Variants in ZFR observed in about 807,000 individuals in gnomAD.
ZFR encodes the protein zinc finger RNA-binding protein.
Under a neutral mutation model 130.7 loss-of-function variants are expected in ZFR, and 19 were observed. The observed-to-expected ratio is 0.15, with a 90% CI of 0.10 to 0.21. The LOEUF is 0.21. ZFR is among the 10% of genes least tolerant of loss of function. The pLI is 1.00. For synonymous variants in ZFR, 466 were observed against 456.9 expected, an observed-to-expected ratio of 1.02 and a Z score of -0.25; for missense variants, 872 against 1,321.5, an observed-to-expected ratio of 0.66 and a Z score of 5.27.
intron 17 of ZFR, among the ~76,000 whole-genome samples, chr5:32,368,157 A>G (rs950203835): frequency 1.3e-5 from 2 of 152,248 alleles, no homozygotes; most frequent in African/African-American, 4.8e-5. Context: ...ATGAGATTTC[A>G]GTAACACAGG....
chr5:32,398,832 C>T (rs529618475), intron 9 of ZFR, among the ~76,000 whole-genome samples: 6 of 151,884 alleles, frequency 4.0e-5, no homozygotes, highest in African/African-American at 1.4e-4. Context: ...TACAAGTGTG[C>T]GCAACTACTG....
At chr5:32,436,985 AGACT>A (rs1375508943) in intron 2 of ZFR, among the ~76,000 whole-genome samples, 1 of 152,234 alleles carries the variant, frequency 6.6e-6, no homozygotes, top group African/African-American at 2.4e-5. Flanking sequence ...AACTAACAAC[AGACT>A]GTTTGCCCAA....
At chr5:32,436,763 T>C (rs1754345645) in intron 2 of ZFR, among the ~76,000 whole-genome samples, 1 of 152,192 alleles carries the variant, frequency 6.6e-6, no homozygotes, top group Admixed American at 6.5e-5. Context: ...TGTGAGTCAC[T>C]GCCAGGTCCA....
At position 32,400,179 on chromosome 5, in the gene ZFR, C is replaced by G. The variant is rs745821134; in HGVS notation, c.1541G>C (p.Gly514Ala). 6.2e-7 allele frequency: 1 copy of G among 1,607,764 alleles called. No individual in the cohort carries two copies. The highest frequency in any genetic ancestry group is 8.5e-7 in the Non-Finnish European group (1 of 1,176,790). The change falls in exon 9 of 20, where the codon GGA becomes GCA. Residue 514 changes from glycine (G) to alanine (A), a missense_variant. Transcript: ENST00000265069. ...FVGGNKLQST[G>A]NKAEDIKGTE... is the part of the protein sequence containing the mutation. The stretch of plus-strand genomic sequence containing the variant: ...TCCTTTTATGTCTTCTGCTTTATTT[C>G]CTGTTGACTGCAGCTTATTACCACC...
intron 17 of ZFR, among the ~76,000 whole-genome samples, chr5:32,377,335 C>T (rs1298628318): frequency 4.7e-5 from 7 of 150,082 alleles, no homozygotes; most frequent in East Asian, 4.1e-4. Flanking sequence ...CAGGTTCAAG[C>T]GATTCTCCTG....
intron 10 of ZFR, 36 bp from the exon 11 acceptor site, chr5:32,395,340 C>A: frequency 2.1e-6 from 3 of 1,436,732 alleles, no homozygotes; most frequent in Non-Finnish European, 2.8e-6. Context: ...AAAACAGCAG[C>A]CCCAAAACAA....
chr5:32,395,453 A>T, intron 10 of ZFR, 149 bp from the exon 11 acceptor site: 5 of 558,026 alleles, frequency 9.0e-6, no homozygotes, highest in Non-Finnish European at 1.4e-5. Context: ...AATTAAGGTA[A>T]ATCAGAGAAA....
At chr5:32,413,472 T>G (rs1373586738) in intron 5 of ZFR, among the ~76,000 whole-genome samples, 1 of 151,996 alleles carries the variant, frequency 6.6e-6, no homozygotes, top group Non-Finnish European at 1.5e-5. Context: ...AGAAATCTAG[T>G]GGTTTAACTT....
chr5:32,438,772 T>C (rs945237439), intron 2 of ZFR, among the ~76,000 whole-genome samples: 1 of 152,172 alleles, frequency 6.6e-6, no homozygotes, highest in African/African-American at 2.4e-5. Context: ...AAGGAATCCT[T>C]CTAAAACCCT....
intron 19 of ZFR, among the ~76,000 whole-genome samples, chr5:32,359,430 A>C (rs1191949650): frequency 6.6e-6 from 1 of 152,168 alleles, no homozygotes; most frequent in Non-Finnish European, 1.5e-5. Flanking sequence ...CCTGCCCTAA[A>C]GCTTAAAGAT....
chr5:32,355,695 A>G lies in ZFR; in HGVS notation c.*65T>C. 2 of 1,397,046 alleles carry G rather than the reference A, an allele frequency of 1.4e-6. No individual in the cohort carries two copies. Among genetic ancestry groups the G allele is most frequent in the Non-Finnish European group, 1.9e-6 (2 of 1,038,282 alleles). The allele number at this position is 1,397,046 out of a possible 1,614,324, so 86.5% of individuals were successfully genotyped here. ...TAAATTTTTCAATGTAGACATTATTATGAATGAAAAACAGCCAACAAATGG... is the reference window on the plus strand; with the variant it reads ...TAAATTTTTCAATGTAGACATTATTGTGAATGAAAAACAGCCAACAAATGG... On this transcript the variant is annotated 3_prime_UTR_variant, in exon 20 of 20. Coordinates refer to ENST00000265069, the MANE Select transcript of ZFR (RefSeq NM_016107.5).
chr5:32,393,391 T>C (rs1753224678), intron 11 of ZFR, among the ~76,000 whole-genome samples: 1 of 152,056 alleles, frequency 6.6e-6, no homozygotes, highest in South Asian at 2.1e-4. Context: ...TTGCCCAGGC[T>C]GGAGTATAAT....
chr5:32,387,647 G>A lies in ZFR; in HGVS notation c.2401C>T (p.Arg801Ter). 1 of 1,613,238 alleles carries A rather than the reference G, an allele frequency of 6.2e-7. No individual in the cohort carries two copies. The highest frequency in any genetic ancestry group is 2.2e-5 in the East Asian group (1 of 44,830). ...ACAAGGTTGACATTTCTATCTCCTC[G>A]GAGAAGTAATCCTTTTGCCAATACT... ...VGVLAKGLLL[R>*]GDRNVNLVLL... Residue 801 changes from arginine (R) to a stop codon, truncating the protein, a stop_gained, in exon 14 of 20, where the codon CGA becomes TGA. Coordinates refer to ENST00000265069, the MANE Select transcript of ZFR (RefSeq NM_016107.5). LOFTEE classifies it high-confidence loss of function.
At chr5:32,442,010 A>T (rs1754485911) in intron 2 of ZFR, among the ~76,000 whole-genome samples, 1 of 152,238 alleles carries the variant, frequency 6.6e-6, no homozygotes, top group African/African-American at 2.4e-5. Flanking sequence ...CTGGGATAAA[A>T]CAATCACATA....
At chr5:32,360,449 G>C (rs1752407779) in intron 19 of ZFR, among the ~76,000 whole-genome samples, 1 of 152,100 alleles carries the variant, frequency 6.6e-6, no homozygotes, top group Non-Finnish European at 1.5e-5. Flanking sequence ...ATATAAACGA[G>C]ATAATTAGGA....
At chr5:32,359,593 G>T (rs1752385980) in intron 19 of ZFR, among the ~76,000 whole-genome samples, 1 of 151,858 alleles carries the variant, frequency 6.6e-6, no homozygotes, top group Admixed American at 6.5e-5. Context: ...TCCTTCCTTA[G>T]AACACAAAAA....
intron 2 of ZFR, among the ~76,000 whole-genome samples, chr5:32,442,032 A>C (rs945523957): frequency 6.6e-6 from 1 of 152,200 alleles, no homozygotes; most frequent in East Asian, 1.9e-4. Flanking sequence ...ATATTTTATC[A>C]AAAAATTATT....
Position 32,390,324 on chromosome 5 carries a change from C to A in ZFR, c.2093G>T (p.Gly698Val). The A allele has an allele frequency of 1.2e-6, 2 of 1,614,182 alleles. No individual in the cohort carries two copies. Among genetic ancestry groups the A allele is most frequent in the East Asian group, 4.5e-5 (2 of 44,886 alleles). Residue 698 changes from glycine to valine, a missense_variant, in exon 12 of 20, where the codon GGC becomes GTC. Coordinates refer to ENST00000265069, the MANE Select transcript of ZFR (RefSeq NM_016107.5). The part of the protein sequence containing the change: ...GYPHGPPGPL[G>V]LLGVRPGMPP... ...CATGCCTGGTCGGACTCCCAGAAGG[C>A]CTAATGGGCCTGGAGGACCATGAGG...
Position 32,390,340 on chromosome 5 carries a change from GA to G in ZFR, c.2076del (p.Pro693LeufsTer5). On this transcript the variant is annotated frameshift_variant, in exon 12 of 20. Transcript: ENST00000265069. LOFTEE classifies it high-confidence loss of function. ...CCCAGAAGGCCTAATGGGCCTGGAG[GA>G]CCATGAGGATAACCTCCATCTGGCA... Reference protein sequence around the residue: ...RRMPDGGYPHGPPGPLGLLGV... With the variant: ...RRMPDGGYPHXPPGPLGLLGV... 1 of 1,614,174 alleles carries G rather than the reference GA, an allele frequency of 6.2e-7. No homozygotes were observed. The highest frequency in any genetic ancestry group is 8.5e-7 in the Non-Finnish European group (1 of 1,180,020).
Sources: allele counts gnomAD v4.1 joint callset (sites outside exome capture counted in the v4.1 genomes callset), GRCh38; gene constraint gnomAD v4.1.1; transcripts MANE v1.5; gene names NCBI Gene and HGNC (gene_info 2026-07-23, HGNC 2026-07-21).